STX8: variants seen among roughly 807,000 people sequenced by gnomAD.
STX8 encodes syntaxin-8.
Under a neutral mutation model 37.5 loss-of-function variants are expected in STX8, and 23 were observed. The ratio of observed to expected loss-of-function variants is 0.61; its 90% CI spans 0.44 to 0.87. The LOEUF (loss-of-function observed/expected upper bound fraction) is 0.87. Among genes scored for constraint, STX8 ranks in the 40% least tolerant of loss-of-function variants. STX8 has a pLI of 0.00. For missense variants in STX8, 313 were observed against 284.7 expected, an observed-to-expected ratio of 1.10 and a Z score of -0.71; for synonymous variants, 115 against 99.1, an observed-to-expected ratio of 1.16 and a Z score of -0.95.
At chr17:9,405,865 T>C (rs531431262) in intron 6 of STX8, among the ~76,000 whole-genome samples, 2 of 152,374 alleles carry the variant, frequency 1.3e-5, no homozygotes, top group South Asian at 2.1e-4. Flanking sequence ...CATCCGTTAC[T>C]GGCATTAAAT....
chr17:9,267,438 T>C (rs1037355322), intron 7 of STX8, among the ~76,000 whole-genome samples: 4 of 152,184 alleles, frequency 2.6e-5, no homozygotes, highest in Non-Finnish European at 5.9e-5. Context: ...CCCTTCCCCA[T>C]GTGTGATGGC....
intron 7 of STX8, among the ~76,000 whole-genome samples, chr17:9,356,793 T>G (rs1028979347): frequency 6.6e-6 from 1 of 152,068 alleles, no homozygotes; most frequent in Non-Finnish European, 1.5e-5. Flanking sequence ...GGCCAGGTCC[T>G]AGGCATCTCT....
chr17:9,360,753 T>A (rs1360414084), intron 7 of STX8, among the ~76,000 whole-genome samples: 1 of 151,924 alleles, frequency 6.6e-6, no homozygotes, highest in Admixed American at 6.6e-5. Flanking sequence ...ACGGGCTGTT[T>A]CGAGCGTGAA....
chr17:9,487,821 C>T (rs116177072), intron 6 of STX8, among the ~76,000 whole-genome samples: 10 of 152,268 alleles, frequency 6.6e-5, no homozygotes, highest in African/African-American at 2.4e-4. Flanking sequence ...CACGTCGCCA[C>T]GTGGATGCGC....
intron 7 of STX8, among the ~76,000 whole-genome samples, chr17:9,257,559 G>A (rs1265063909): frequency 5.3e-5 from 8 of 152,170 alleles, no homozygotes; most frequent in Admixed American, 1.3e-4. Context: ...GCAGGGGAAC[G>A]TGGCAAGTAG....
intron 7 of STX8, among the ~76,000 whole-genome samples, chr17:9,306,576 C>T (rs1429429462): frequency 6.9e-6 from 1 of 144,882 alleles, no homozygotes; most frequent in Non-Finnish European, 1.5e-5. Context: ...ATGGTGAAAA[C>T]CCGTCTCTAC....
At chr17:9,442,125 C>A (rs535230595) in intron 6 of STX8, among the ~76,000 whole-genome samples, 202 of 152,272 alleles carry the variant, frequency 1.3e-3, no homozygotes, top group African/African-American at 4.6e-3. Flanking sequence ...CTCACTTTAC[C>A]GCCACACACG....
chr17:9,487,278 CA>C (rs1906639648), intron 6 of STX8, among the ~76,000 whole-genome samples: 3 of 152,164 alleles, frequency 2.0e-5, no homozygotes, highest in African/African-American at 7.2e-5. Context: ...TTGTTTTCCT[CA>C]TTTAATGAAA....
intron 6 of STX8, among the ~76,000 whole-genome samples, chr17:9,483,500 C>G (rs946354395): frequency 6.6e-6 from 1 of 152,084 alleles, no homozygotes; most frequent in Admixed American, 6.6e-5. Context: ...TTCCAGGGAT[C>G]GGGACTAGGA....
chr17:9,282,866 A>G (rs916889589), intron 7 of STX8, among the ~76,000 whole-genome samples: 2 of 152,058 alleles, frequency 1.3e-5, no homozygotes, highest in African/African-American at 4.8e-5. Context: ...TGCAAATCTG[A>G]ATACTTGAAA....
chr17:9,528,898 T>A (rs1905687759), intron 4 of STX8, among the ~76,000 whole-genome samples: 2 of 146,982 alleles, frequency 1.4e-5, no homozygotes, highest in South Asian at 2.1e-4. Context: ...AAGAGAAAAA[T>A]ATGAAAGAAA....
chr17:9,329,432 A>G (rs548366167), intron 7 of STX8, among the ~76,000 whole-genome samples: 3 of 152,300 alleles, frequency 2.0e-5, no homozygotes, highest in Non-Finnish European at 2.9e-5. Flanking sequence ...CATCACGGCT[A>G]TTTCTACAGT....
At chr17:9,293,913 C>T (rs1346853793) in intron 7 of STX8, among the ~76,000 whole-genome samples, 1 of 149,074 alleles carries the variant, frequency 6.7e-6, no homozygotes, top group Non-Finnish European at 1.5e-5. Context: ...AGGCACCCGC[C>T]ACCACGCCTG....
chr17:9,325,607 C>A (rs144011551), intron 7 of STX8, among the ~76,000 whole-genome samples: 1 of 152,172 alleles, frequency 6.6e-6, no homozygotes, highest in South Asian at 2.1e-4. Flanking sequence ...CGATGGGCTG[C>A]GCGAATTACA....
At chr17:9,575,540 A>G (rs1034582442) in intron 1 of STX8, among the ~76,000 whole-genome samples, 6 of 152,186 alleles carry the variant, frequency 3.9e-5, no homozygotes, top group Admixed American at 2.6e-4. Flanking sequence ...CAGAAAAGCT[A>G]AAGGAATATT....
chr17:9,450,331 C>T (rs1223706321), intron 6 of STX8, among the ~76,000 whole-genome samples: 1 of 151,900 alleles, frequency 6.6e-6, no homozygotes, highest in African/African-American at 2.4e-5. Flanking sequence ...CCGCCTCGGC[C>T]TCCCAAAGTG....
intron 7 of STX8, among the ~76,000 whole-genome samples, chr17:9,252,540 C>T (rs1302000704): frequency 6.9e-6 from 1 of 145,298 alleles, no homozygotes; most frequent in South Asian, 2.2e-4. Context: ...ACACGGGAGG[C>T]GGAGGTTGCA....
intron 6 of STX8, among the ~76,000 whole-genome samples, chr17:9,400,903 A>G (rs1912592242): frequency 6.6e-6 from 1 of 152,198 alleles, no homozygotes; most frequent in Non-Finnish European, 1.5e-5. Context: ...CCTCACAATT[A>G]TAGAAAATGC....
chr17:9,558,596 G>C (rs1907075842), intron 2 of STX8, among the ~76,000 whole-genome samples: 1 of 152,262 alleles, frequency 6.6e-6, no homozygotes. Context: ...AGCACTTTGG[G>C]AGGCCGAGGA....
Sources: allele counts gnomAD v4.1 joint callset (sites outside exome capture counted in the v4.1 genomes callset), GRCh38; gene constraint gnomAD v4.1.1; transcripts MANE v1.5; gene names NCBI Gene and HGNC (gene_info 2026-07-23, HGNC 2026-07-21).